The following PURG variants were observed in gnomAD, a reference collection of about 807,000 sequenced individuals.
PURG encodes the protein purine-rich element-binding protein gamma.
A neutral mutation model predicts 24.3 loss-of-function variants in PURG; 3 were observed. The observed-to-expected ratio is 0.12, with a 90% confidence interval of 0.06 to 0.32. The LOEUF (loss-of-function observed/expected upper bound fraction) is 0.32. Among genes scored for constraint, PURG ranks in the 10% least tolerant of loss-of-function variants. The pLI, the probability that PURG is intolerant of heterozygous loss-of-function variation, is 1.00. For synonymous variants in PURG, 180 were observed against 173.1 expected, an observed-to-expected ratio of 1.04 and a Z score of -0.31; for missense variants, 371 against 439.1, an observed-to-expected ratio of 0.84 and a Z score of 1.39.
chr8:31,031,645 CA>C lies in PURG; in HGVS notation c.*93del. ...AGAGGTATTACTAATAACAACGGGC[CA>C]AAAAAGAGGAAAAACTTCTTCAAAG... On this transcript the variant is annotated 3_prime_UTR_variant, in exon 2 of 2. Coordinates refer to ENST00000523392, the MANE Select transcript of PURG (RefSeq NM_001323311.2). 4 of 1,267,656 alleles carry C rather than the reference CA, an allele frequency of 3.2e-6. No individual in the cohort carries two copies. Among genetic ancestry groups the C allele is most frequent in the Non-Finnish European group, 3.2e-6 (3 of 938,662 alleles). 78.5% of individuals were successfully genotyped at this position (1,267,656 alleles called of 1,614,324 possible).
At position 31,032,602 on chromosome 8, in the gene PURG, C is replaced by A; in HGVS notation, c.181G>T (p.Ala61Ser). ...TTCTGGATGTCCACTCGTTTGGAGG[C>A]CAGCTCCTGGATTTCGGCTGCGCCC... ...AGGAAEIQEL[A>S]SKRVDIQKKR... The change falls in exon 2 of 2, where the codon GCC becomes TCC. Residue 61 changes from alanine to serine, a missense_variant. Around this residue, in one of 5 missense-constraint regions of PURG, gnomAD observed 213 missense variants for 230.6 expected, o/e 0.92. Coordinates refer to ENST00000523392, the MANE Select transcript of PURG (RefSeq NM_001323311.2). This position sits in a 1 kb window ranked among gnomAD's most constrained non-coding sequence, Gnocchi z 5.9. The A allele has an allele frequency of 1.9e-6, 3 of 1,608,716 alleles. No individual in the cohort carries two copies. The highest frequency in any genetic ancestry group is 2.6e-6 in the Non-Finnish European group (3 of 1,176,416).
chr8:31,032,057 GTC>G lies in PURG; in HGVS notation c.724_725del (p.Asp242LeufsTer15). 1 of 1,614,180 alleles carries G rather than the reference GTC, an allele frequency of 6.2e-7. No individual in the cohort carries two copies. Among genetic ancestry groups the G allele is most frequent in the Non-Finnish European group, 8.5e-7 (1 of 1,180,034 alleles). ...GTTCTTCTATGTCTCCTTCGCCATA[GTC>G]TTCAATCAGCTGAACCAAGGCATCA... is the stretch of plus-strand genomic sequence containing the variant. ...FRDALVQLIE[D>X]YGEGDIEERR... On this transcript the variant is annotated frameshift_variant, in exon 2 of 2. Coordinates refer to ENST00000523392, the MANE Select transcript of PURG (RefSeq NM_001323311.2). LOFTEE classifies it high-confidence loss of function. This position sits in a 1 kb window ranked among gnomAD's most constrained non-coding sequence, Gnocchi z 5.9.
At chr8:30,999,958 G>C (rs190462637) in intron 1 of PURG, among the ~76,000 whole-genome samples, 1 of 130,444 alleles carries the variant, frequency 7.7e-6, no homozygotes, top group African/African-American at 3.1e-5. Context: ...TACATAAGTC[G>C]TATGTGTTTT....
chr8:31,005,771 C>CT (rs67428647), intron 1 of PURG, among the ~76,000 whole-genome samples: 93,000 of 141,974 alleles, frequency 0.66, 30,269 homozygotes, highest in East Asian at 0.86. Context: ...TTTCTTTTTT[C>CT]TTTTTTTTTT....
At chr8:31,007,651 C>A (rs1349884908) in intron 1 of PURG, among the ~76,000 whole-genome samples, 1 of 152,020 alleles carries the variant, frequency 6.6e-6, no homozygotes, top group Non-Finnish European at 1.5e-5. Flanking sequence ...AATATTTTTC[C>A]TATCTCTTGT....
At chr8:31,017,991 C>T (rs1246759948) in intron 1 of PURG, among the ~76,000 whole-genome samples, 2 of 152,098 alleles carry the variant, frequency 1.3e-5, no homozygotes, top group South Asian at 2.1e-4. Context: ...TGAAATAGCA[C>T]TATAAATACT....
At position 31,032,883 on chromosome 8, in the gene PURG, G is replaced by T; in HGVS notation, c.-6-95C>A. On this transcript the variant is annotated intron_variant, in intron 1 of 1. Coordinates refer to ENST00000523392, the MANE Select transcript of PURG (RefSeq NM_001323311.2). This position sits in a 1 kb window ranked among gnomAD's most constrained non-coding sequence, Gnocchi z 5.9. ...CGGCCTGACCGCCCCGCCGCCGCCC[G>T]CGACCCCCACGCCGGGCCCGGCTCC... 1 of 1,014,314 alleles carries T rather than the reference G, an allele frequency of 9.9e-7. No individual in the cohort carries two copies. Among genetic ancestry groups the T allele is most frequent in the Non-Finnish European group, 1.3e-6 (1 of 796,234 alleles). The allele number at this position is 1,014,314 out of a possible 1,614,324, so 62.8% of individuals were successfully genotyped here. A position where few individuals can be genotyped will look rare whatever the true frequency, so the allele number is the denominator to read the frequency against.
At chr8:31,006,514 G>A (rs1026595891) in intron 1 of PURG, among the ~76,000 whole-genome samples, 15 of 126,894 alleles carry the variant, frequency 1.2e-4, no homozygotes, top group South Asian at 2.5e-4. Flanking sequence ...GAATAGCTCC[G>A]TCTCAAAACA....
downstream of PURG, among the ~76,000 whole-genome samples, chr8:31,026,805 T>C (rs545958853): frequency 6.6e-6 from 1 of 151,324 alleles, no homozygotes; most frequent in African/African-American, 2.4e-5. Flanking sequence ...TTCAAAAATA[T>C]TGATTAAAAT....
At chr8:31,008,863 T>G (rs758794628) in intron 1 of PURG, among the ~76,000 whole-genome samples, 3 of 152,198 alleles carry the variant, frequency 2.0e-5, no homozygotes, top group Non-Finnish European at 2.9e-5. Context: ...TGTTTGCACT[T>G]TATACTAGGC....
chr8:31,029,854 T>C (rs534330024), downstream of PURG, among the ~76,000 whole-genome samples: 17 of 152,062 alleles, frequency 1.1e-4, no homozygotes, highest in Admixed American at 1.0e-3. Flanking sequence ...TGTTTAAAAA[T>C]CCTTGCTACT....
intron 1 of PURG, among the ~76,000 whole-genome samples, chr8:31,022,837 C>T (rs1377863075): frequency 6.6e-6 from 1 of 152,152 alleles, no homozygotes; most frequent in Non-Finnish European, 1.5e-5. Context: ...TAAAATACAA[C>T]AGTCTCTGAA....
At chr8:31,021,595 T>C (rs1174168228) in intron 1 of PURG, among the ~76,000 whole-genome samples, 1 of 152,180 alleles carries the variant, frequency 6.6e-6, no homozygotes, top group Non-Finnish European at 1.5e-5. Context: ...AGATGTATAG[T>C]GGCGGCTGGG....
intron 1 of PURG, among the ~76,000 whole-genome samples, chr8:31,013,783 T>C (rs1197394142): frequency 6.6e-6 from 1 of 152,074 alleles, no homozygotes; most frequent in African/African-American, 2.4e-5. Flanking sequence ...CCAGCTTAGG[T>C]TAGAAGCTGA....
chr8:31,029,485 T>C (rs1811149614), downstream of PURG, among the ~76,000 whole-genome samples: 1 of 151,788 alleles, frequency 6.6e-6, no homozygotes, highest in East Asian at 1.9e-4. Flanking sequence ...TACACACATA[T>C]ATATGTATAC....
In PURG at chr8:31,031,477, T is replaced by C. The variant is rs1811200782; in HGVS notation, c.*262A>G. On this transcript the variant is annotated 3_prime_UTR_variant, in exon 2 of 2. Coordinates refer to ENST00000523392, the MANE Select transcript of PURG (RefSeq NM_001323311.2). ...TAGAATGTCAGAATGTCACATTTTGTGCTGATTTGCATACTTCAATAGTCT... is the reference window on the plus strand; with the variant it reads ...TAGAATGTCAGAATGTCACATTTTGCGCTGATTTGCATACTTCAATAGTCT... The C allele has an allele frequency of 9.5e-6, 4 of 419,462 alleles. No individual in the cohort carries two copies. Among genetic ancestry groups the C allele is most frequent in the Non-Finnish European group, 1.7e-5 (4 of 236,128 alleles). 26.0% of individuals were successfully genotyped at this position (419,462 alleles called of 1,614,324 possible).
Position 31,016,581 on chromosome 8 carries a change from C to CAAAAAAAAAA in PURG, c.864+15328_864+15337dup, listed in dbSNP as rs11433207. 9.5e-3 allele frequency among the ~76,000 whole-genome samples: 545 copies of CAAAAAAAAAA among 57,564 alleles called. 50 individuals carry two copies. The highest frequency in any genetic ancestry group is 0.022 in the Middle Eastern group (1 of 46). 37.8% of individuals were successfully genotyped at this position (57,564 alleles called of 152,430 possible). On this transcript the variant is annotated intron_variant, in intron 1 of 1. Coordinates refer to the PURG transcript ENST00000339382. ...GAAAGAATGCAAGTCTACCAAGAAC[C>CAAAAAAAAAA]AAAAAAAAAAAAAAAAAAAAAAAAA... is the stretch of plus-strand genomic sequence containing the variant.
rs1309737446 is a variant in PURG, at chr8:31,031,081, T to C, written c.*658A>G. ...AGAATAACGAATTAAAACTCTCCCA[T>C]GGCTTTGATATGGCAACTATAAAAT... On this transcript the variant is annotated 3_prime_UTR_variant, in exon 2 of 2. Transcript: ENST00000523392. 1 of 152,538 alleles carries C rather than the reference T, an allele frequency of 6.6e-6. No homozygotes were observed. The highest frequency in any genetic ancestry group is 1.5e-5 in the Non-Finnish European group (1 of 67,984). 9.4% of individuals were successfully genotyped at this position (152,538 alleles called of 1,614,324 possible). A position where few individuals can be genotyped will look rare whatever the true frequency, so the allele number is the denominator to read the frequency against.
intron 1 of PURG, among the ~76,000 whole-genome samples, chr8:31,016,577 GAACCAAAAAAAAAAA>G (rs1179753206): frequency 2.7e-4 from 10 of 37,336 alleles, no homozygotes; most frequent in East Asian, 1.4e-3. Flanking sequence ...AGTCTACCAA[GAACCAAAAAAAAAAA>G]AAAAAAAAAA....
Sources: gnomAD v4.1 joint callset for allele counts (sites outside exome capture counted in the v4.1 genomes callset) on GRCh38, gnomAD v4.1.1 for gene constraint, gnomAD v4.1.1 regional missense constraint, Gnocchi (gnomAD v3.1) non-coding constraint, MANE v1.5 for transcripts, NCBI Gene and HGNC (gene_info 2026-07-23, HGNC 2026-07-21) for gene names.